CNTNAP2: variants seen among roughly 807,000 people sequenced by gnomAD.
CNTNAP2 encodes contactin associated protein 2.
In CNTNAP2, 98 loss-of-function variants were observed where a neutral mutation model predicts 155.2. The observed-to-expected ratio is 0.63, with a 90% confidence interval of 0.54 to 0.75. The LOEUF is 0.75. Ranked by LOEUF, CNTNAP2 falls within the 30% of genes least tolerant of loss-of-function variation. The pLI, the probability that CNTNAP2 is intolerant of heterozygous loss-of-function variation, is 0.00. For synonymous variants in CNTNAP2, 651 were observed against 631.2 expected, an observed-to-expected ratio of 1.03 and a Z score of -0.47; for missense variants, 1,727 against 1,688.1, an observed-to-expected ratio of 1.02 and a Z score of -0.40.
intron 3 of CNTNAP2, among the ~76,000 whole-genome samples, chr7:146,857,117 AT>A (rs1795005567): frequency 6.6e-6 from 1 of 152,144 alleles, no homozygotes; most frequent in African/African-American, 2.4e-5. Flanking sequence ...AATGTACACT[AT>A]TTGGAAGTAA....
chr7:147,150,264 G>A (rs192160952), intron 8 of CNTNAP2, among the ~76,000 whole-genome samples: 100 of 152,262 alleles, frequency 6.6e-4, no homozygotes, highest in Non-Finnish European at 1.2e-3. Context: ...CAAGCCTCCA[G>A]GAGCTTCATC....
chr7:147,595,607 T>A (rs1260694249), intron 12 of CNTNAP2, among the ~76,000 whole-genome samples: 1 of 152,236 alleles, frequency 6.6e-6, no homozygotes, highest in Non-Finnish European at 1.5e-5. Context: ...TTCTTCATCT[T>A]GCTTTCCATA....
At chr7:148,203,749 AAAAG>A (rs1230363660) in intron 18 of CNTNAP2, among the ~76,000 whole-genome samples, 3 of 152,188 alleles carry the variant, frequency 2.0e-5, no homozygotes, top group African/African-American at 4.8e-5. Context: ...AAAAAAAAGA[AAAAG>A]AAAGAAAAGA....
intron 3 of CNTNAP2, among the ~76,000 whole-genome samples, chr7:146,845,094 T>C (rs1270652680): frequency 1.3e-5 from 2 of 152,198 alleles, no homozygotes; most frequent in Non-Finnish European, 2.9e-5. Context: ...ACATAATTGT[T>C]TCAATAAATT....
intron 3 of CNTNAP2, among the ~76,000 whole-genome samples, chr7:146,866,217 C>T (rs1000213222): frequency 2.0e-5 from 3 of 151,886 alleles, no homozygotes; most frequent in Non-Finnish European, 4.4e-5. Context: ...TACACATGCA[C>T]GGAAAGTCCA....
At chr7:147,328,691 A>C (rs1795503452) in intron 9 of CNTNAP2, among the ~76,000 whole-genome samples, 1 of 152,232 alleles carries the variant, frequency 6.6e-6, no homozygotes, top group African/African-American at 2.4e-5. Flanking sequence ...GGCAAGATCA[A>C]GAGGCTTTCA....
chr7:147,297,266 G>A (rs1233199416), intron 8 of CNTNAP2, among the ~76,000 whole-genome samples: 1 of 152,046 alleles, frequency 6.6e-6, no homozygotes, highest in African/African-American at 2.4e-5. Context: ...CACTCCCTCA[G>A]ATTCATTCAG....
At chr7:147,882,980 A>G (rs1799546202) in intron 13 of CNTNAP2, among the ~76,000 whole-genome samples, 1 of 152,232 alleles carries the variant, frequency 6.6e-6, no homozygotes. Context: ...TCAGCTACAT[A>G]CAATTTTTAA....
chr7:146,653,141 C>G (rs1799944166), intron 1 of CNTNAP2, among the ~76,000 whole-genome samples: 1 of 152,046 alleles, frequency 6.6e-6, no homozygotes, highest in Non-Finnish European at 1.5e-5. Flanking sequence ...TTCTTTCTCA[C>G]TAAAGAGTCT....
chr7:147,217,554 T>C (rs929329812), intron 8 of CNTNAP2, among the ~76,000 whole-genome samples: 11 of 152,036 alleles, frequency 7.2e-5, no homozygotes, highest in Non-Finnish European at 1.3e-4. Context: ...TTCAATTTGC[T>C]AATATTTTGT....
chr7:147,727,851 G>C (rs1451618247), intron 13 of CNTNAP2, among the ~76,000 whole-genome samples: 2 of 151,570 alleles, frequency 1.3e-5, no homozygotes, highest in African/African-American at 4.9e-5. Context: ...GAGGGACTTG[G>C]ATAGGAAGCA....
chr7:146,765,397 A>G (rs538445214), intron 1 of CNTNAP2, among the ~76,000 whole-genome samples: 2 of 152,340 alleles, frequency 1.3e-5, no homozygotes, highest in South Asian at 4.1e-4. Flanking sequence ...AATGGAAAAT[A>G]CAAAAATACA....
intron 14 of CNTNAP2, among the ~76,000 whole-genome samples, chr7:147,949,833 C>T (rs1453384942): frequency 6.6e-6 from 1 of 152,008 alleles, no homozygotes; most frequent in Non-Finnish European, 1.5e-5. Flanking sequence ...GGCTTCCACC[C>T]ATGACTGAGA....
At chr7:146,544,591 AC>A (rs1045306743) in intron 1 of CNTNAP2, among the ~76,000 whole-genome samples, 93 of 151,904 alleles carry the variant, frequency 6.1e-4, no homozygotes, top group African/African-American at 2.1e-3. Flanking sequence ...TGGCATCCTC[AC>A]CCCCATGAGG....
chr7:146,464,325 T>C (rs1796685534), intron 1 of CNTNAP2, among the ~76,000 whole-genome samples: 4 of 151,966 alleles, frequency 2.6e-5, no homozygotes, highest in Admixed American at 2.6e-4. Flanking sequence ...GAATATTTAA[T>C]AAGGGTGTGG....
At chr7:147,114,922 C>T (rs532500021) in intron 5 of CNTNAP2, among the ~76,000 whole-genome samples, 10 of 152,140 alleles carry the variant, frequency 6.6e-5, no homozygotes, top group East Asian at 5.8e-4. Flanking sequence ...CTGTGTATTT[C>T]GATGTGTTTC....
chr7:147,547,359 T>G (rs1799755245), intron 11 of CNTNAP2, among the ~76,000 whole-genome samples: 1 of 152,092 alleles, frequency 6.6e-6, no homozygotes, highest in African/African-American at 2.4e-5. Context: ...TTAGTTACCT[T>G]GCTCTTCACC....
intron 16 of CNTNAP2, among the ~76,000 whole-genome samples, chr7:148,133,395 G>A (rs1341865915): frequency 1.3e-5 from 2 of 152,138 alleles, no homozygotes; most frequent in African/African-American, 4.8e-5. Context: ...CTGGGAGGTG[G>A]AGGTTGCAGT....
chr7:146,339,876 T>C (rs1801345738), intron 1 of CNTNAP2, among the ~76,000 whole-genome samples: 1 of 151,940 alleles, frequency 6.6e-6, no homozygotes, highest in Admixed American at 6.6e-5. Flanking sequence ...ATTAAATACA[T>C]AAAATGAAAT....
Sources: allele counts gnomAD v4.1 joint callset (sites outside exome capture counted in the v4.1 genomes callset), GRCh38; gene constraint gnomAD v4.1.1; transcripts MANE v1.5; gene names NCBI Gene and HGNC (gene_info 2026-07-23, HGNC 2026-07-21).